The following RICTOR variants were observed in gnomAD, a reference collection of about 807,000 sequenced individuals.
The protein encoded by RICTOR is RPTOR independent companion of MTOR complex 2.
RICTOR carries 49 observed loss-of-function variants against 214.9 expected under a neutral mutation model. The observed-to-expected ratio is 0.23, with a 90% CI of 0.18 to 0.29. The LOEUF (loss-of-function observed/expected upper bound fraction) is 0.29, where lower values mean the gene tolerates loss of function less well. RICTOR is among the 10% of genes least tolerant of loss of function. The pLI is 1.00. For missense variants in RICTOR, 1,625 were observed against 2,047.0 expected (o/e 0.79, Z 3.98); for synonymous variants, 717 against 711.3 (o/e 1.01, Z -0.13).
At chr5:39,034,622 C>T (rs1004022813) in intron 2 of RICTOR, among the ~76,000 whole-genome samples, 3 of 152,222 alleles carry the variant, frequency 2.0e-5, no homozygotes, top group African/African-American at 7.2e-5. Flanking sequence ...CACCCTAATA[C>T]TGCGCTGTTC....
chr5:39,053,898 A>G (rs1037223933), intron 2 of RICTOR, among the ~76,000 whole-genome samples: 1 of 136,350 alleles, frequency 7.3e-6, no homozygotes, highest in Non-Finnish European at 1.5e-5. Flanking sequence ...CTCAAAAAAA[A>G]AAAAAAAACC....
chr5:39,004,733 C>G (rs1753897557), intron 3 of RICTOR, among the ~76,000 whole-genome samples: 1 of 149,866 alleles, frequency 6.7e-6, no homozygotes, highest in African/African-American at 2.5e-5. Flanking sequence ...TCCTGAAGTG[C>G]TGGGATTACA....
chr5:38,992,837 C>A (rs1752886939), intron 6 of RICTOR, among the ~76,000 whole-genome samples: 2 of 152,116 alleles, frequency 1.3e-5, no homozygotes, highest in African/African-American at 4.8e-5. Context: ...GTTTAATAAT[C>A]TCTTCTGGCA....
intron 11 of RICTOR, chr5:38,970,487 T>A (rs1395854719): frequency 6.6e-6 from 1 of 152,214 alleles, no homozygotes; most frequent in Non-Finnish European, 1.5e-5. Context: ...AAGTGAATTA[T>A]CTCAAGTTTG....
At chr5:38,980,234 G>T (rs1315175282) in intron 8 of RICTOR, among the ~76,000 whole-genome samples, 7 of 151,864 alleles carry the variant, frequency 4.6e-5, no homozygotes, top group Admixed American at 2.6e-4. Context: ...TGTTTCTATG[G>T]ATTGTTTTTT....
At chr5:38,962,840 G>A in intron 17 of RICTOR, 36 bp downstream of exon 17, 1 of 1,542,718 alleles carries the variant, frequency 6.5e-7, no homozygotes, top group Non-Finnish European at 9.0e-7. Flanking sequence ...TTAAGATGTT[G>A]TGTTTAAGAT....
intron 6 of RICTOR, among the ~76,000 whole-genome samples, chr5:38,991,437 G>A (rs1752768409): frequency 6.6e-6 from 1 of 151,982 alleles, no homozygotes; most frequent in Admixed American, 6.6e-5. Context: ...ATATACTACT[G>A]TACTTTTACG....
intron 2 of RICTOR, among the ~76,000 whole-genome samples, chr5:39,066,331 T>TGCAAGGCA (rs1311950465): frequency 6.6e-6 from 1 of 152,226 alleles, no homozygotes; most frequent in Non-Finnish European, 1.5e-5. Context: ...CTTGAGGCTG[T>TGCAAGGCA]GCAAGGCAGC....
At chr5:39,026,062 CCAAT>C (rs765726587) in intron 2 of RICTOR, among the ~76,000 whole-genome samples, 19 of 152,118 alleles carry the variant, frequency 1.2e-4, no homozygotes, top group Non-Finnish European at 2.6e-4. Flanking sequence ...CTCTGTGTTT[CCAAT>C]TTTCCTTCTC....
At chr5:38,998,165 A>G (rs1053708174) in intron 5 of RICTOR, among the ~76,000 whole-genome samples, 9 of 152,244 alleles carry the variant, frequency 5.9e-5, no homozygotes. Flanking sequence ...AAACTTTAAC[A>G]GAATCAGTGT....
chr5:38,966,239 T>C (rs977254659), intron 15 of RICTOR, among the ~76,000 whole-genome samples: 3 of 152,374 alleles, frequency 2.0e-5, no homozygotes, highest in African/African-American at 7.2e-5. Flanking sequence ...ATTCAGGCAC[T>C]GACTACCATG....
At chr5:39,013,633 C>G (rs564426340) in intron 3 of RICTOR, among the ~76,000 whole-genome samples, 1 of 151,914 alleles carries the variant, frequency 6.6e-6, no homozygotes, top group African/African-American at 2.4e-5. Flanking sequence ...AAACAACAAC[C>G]CTAATTTTAA....
At chr5:39,013,156 T>C (rs747086284) in intron 3 of RICTOR, among the ~76,000 whole-genome samples, 17 of 152,232 alleles carry the variant, frequency 1.1e-4, no homozygotes, top group Non-Finnish European at 2.5e-4. Context: ...TTAGCTAAGA[T>C]GAATTAAGTT....
intron 19 of RICTOR, 127 bp from the exon 20 acceptor site, chr5:38,960,660 C>T: frequency 1.1e-6 from 1 of 906,814 alleles, no homozygotes; most frequent in Non-Finnish European, 1.7e-6. Context: ...GGATAAATGG[C>T]AAGAAATGTA....
At chr5:38,944,703 G>A (rs1747981240) in intron 35 of RICTOR, 134 bp from the exon 36 acceptor site, 2 of 907,640 alleles carry the variant, frequency 2.2e-6, no homozygotes, top group East Asian at 5.1e-5. Flanking sequence ...CATTTTGGGA[G>A]CAAAACTCTA....
chr5:39,003,346 C>T (rs1296075536), intron 4 of RICTOR, among the ~76,000 whole-genome samples: 1 of 152,090 alleles, frequency 6.6e-6, no homozygotes, highest in Non-Finnish European at 1.5e-5. Flanking sequence ...TGAACATTCA[C>T]TTTGGTTCTT....
intron 10 of RICTOR, among the ~76,000 whole-genome samples, chr5:38,974,615 T>C (rs1751055650): frequency 6.6e-6 from 1 of 152,108 alleles, no homozygotes; most frequent in Admixed American, 6.5e-5. Context: ...GCTGATGAAG[T>C]ATTTAAAAAA....
At chr5:38,977,461 T>G (rs1751331420) in intron 9 of RICTOR, among the ~76,000 whole-genome samples, 1 of 152,214 alleles carries the variant, frequency 6.6e-6, no homozygotes, top group African/African-American at 2.4e-5. Flanking sequence ...GATTCATAAC[T>G]GAAGTTTGCA....
Position 38,959,262 on chromosome 5 carries a change from C to A in RICTOR, c.2111G>T (p.Ser704Ile). Residue 704 changes from serine to isoleucine, a missense_variant, in exon 22 of 38, where the codon AGC (serine) becomes ATC (isoleucine). Physicochemically the swap from Ser to Ile is moderately radical, Grantham distance 142 (BLOSUM62 -2). Transcript: ENST00000357387. ...QDHLLKLTVS[S>I]LDYSRDGLAR... ...CAATCCATCTCTGCTATAGTCCAAG[C>A]TAGAAACAGTAAGTTTTAGCAAGTG... is the stretch of plus-strand genomic sequence containing the variant. 1 of 1,599,280 alleles carries A rather than the reference C, an allele frequency of 6.3e-7. No individual in the cohort carries two copies. The highest frequency in any genetic ancestry group is 2.3e-5 in the East Asian group (1 of 44,424).
Sources: allele counts gnomAD v4.1 joint callset (sites outside exome capture counted in the v4.1 genomes callset), GRCh38; gene constraint gnomAD v4.1.1; transcripts MANE v1.5; gene names NCBI Gene and HGNC (gene_info 2026-07-23, HGNC 2026-07-21).